Variants in CSMD3 observed in about 807,000 individuals in gnomAD.
CSMD3 encodes CUB and Sushi multiple domains 3.
A neutral mutation model predicts 435.2 loss-of-function variants in CSMD3; 177 were observed. The ratio of observed to expected loss-of-function variants is 0.41; its 90% confidence interval spans 0.36 to 0.46. CSMD3 has a LOEUF of 0.46. Among genes scored for constraint, CSMD3 ranks in the 20% least tolerant of loss-of-function variants. The probability of loss-of-function intolerance (pLI) is 0.34; values close to 1 mark genes in which losing one functional copy is unlikely to be tolerated. For missense variants in CSMD3, 4,265 were observed against 4,504.6 expected, an observed-to-expected ratio of 0.95 and a Z score of 1.52; for synonymous variants, 1,656 against 1,520.5, an observed-to-expected ratio of 1.09 and a Z score of -2.07.
chr8:112,406,471 A>G (rs1217447669), intron 35 of CSMD3, 53 bp downstream of exon 35: 12 of 1,278,732 alleles, frequency 9.4e-6, no homozygotes, highest in Middle Eastern at 1.9e-4. Context: ...AGATGTAACC[A>G]ATTTTTATAT....
chr8:112,658,007 G>GA (rs886440069), intron 17 of CSMD3, among the ~76,000 whole-genome samples: 1 of 152,014 alleles, frequency 6.6e-6, no homozygotes, highest in African/African-American at 2.4e-5. Context: ...TTGGATCAAA[G>GA]AAAAAATGAA....
At chr8:112,977,763 A>G (rs2084907840) in intron 6 of CSMD3, among the ~76,000 whole-genome samples, 1 of 152,116 alleles carries the variant, frequency 6.6e-6, no homozygotes, top group African/African-American at 2.4e-5. Context: ...CATGAATCAG[A>G]TAGCTTCTAT....
rs1472000747 is a variant in CSMD3 at position 112,265,511 on chromosome 8, A to G, written c.9588T>C (p.Ser3196=). Residue 3196 remains serine (S), a synonymous_variant, in exon 60 of 71, where the codon TCT becomes TCC. Coordinates refer to ENST00000297405, the MANE Select transcript of CSMD3 (RefSeq NM_198123.2). Reference sequence around the variant, plus strand: ...TCGTGTAGCCTGGCTGGCACATGTAAGAAACATTTTGTCCAACCACATAAT... The same window carrying G: ...TCGTGTAGCCTGGCTGGCACATGTAGGAAACATTTTGTCCAACCACATAAT... ...GDDYVVGQNV[S]YMCQPGYTME... 15 of 1,613,514 alleles carry G rather than the reference A, an allele frequency of 9.3e-6. No individual in the cohort carries two copies. The highest frequency in any genetic ancestry group is 2.7e-5 in the African/African-American group (2 of 74,896).
At chr8:112,489,313 T>C (rs1036088913) in intron 31 of CSMD3, among the ~76,000 whole-genome samples, 7 of 152,168 alleles carry the variant, frequency 4.6e-5, no homozygotes, top group African/African-American at 1.7e-4. Flanking sequence ...TAGTCCCAGA[T>C]ACCTGAGAGG....
chr8:112,874,632 A>C (rs892277952), intron 10 of CSMD3, among the ~76,000 whole-genome samples: 12 of 152,114 alleles, frequency 7.9e-5, no homozygotes, highest in African/African-American at 2.7e-4. Context: ...TTCCTGTTAC[A>C]TTGATCCCTT....
intron 61 of CSMD3, among the ~76,000 whole-genome samples, chr8:112,261,975 C>G (rs1223147817): frequency 6.6e-6 from 1 of 151,760 alleles, no homozygotes; most frequent in Non-Finnish European, 1.5e-5. Flanking sequence ...TTACATTGTA[C>G]AAGTCTGTGA....
intron 1 of CSMD3, among the ~76,000 whole-genome samples, chr8:113,407,462 T>A (rs961303324): frequency 1.1e-4 from 17 of 152,136 alleles, no homozygotes; most frequent in African/African-American, 4.1e-4. Context: ...TTGCACTGCA[T>A]AGACTCAATT....
chr8:112,389,489 T>A (rs1359564197), intron 36 of CSMD3, among the ~76,000 whole-genome samples: 1 of 152,218 alleles, frequency 6.6e-6, no homozygotes, highest in Non-Finnish European at 1.5e-5. Context: ...GCATCTATAA[T>A]CTTTGGATGG....
intron 36 of CSMD3, among the ~76,000 whole-genome samples, chr8:112,384,213 A>T (rs2131259418): frequency 6.6e-6 from 1 of 152,256 alleles, no homozygotes; most frequent in African/African-American, 2.4e-5. Flanking sequence ...TAACACGCAT[A>T]TTTTTAATAA....
intron 1 of CSMD3, among the ~76,000 whole-genome samples, chr8:113,360,306 G>T (rs188490959): frequency 6.6e-6 from 1 of 152,124 alleles, no homozygotes; most frequent in Non-Finnish European, 1.5e-5. Flanking sequence ...CTTTGAGCTT[G>T]TTCCCTAGCC....
At chr8:112,463,243 T>TC (rs1240817802) in intron 32 of CSMD3, among the ~76,000 whole-genome samples, 1 of 152,072 alleles carries the variant, frequency 6.6e-6, no homozygotes, top group Non-Finnish European at 1.5e-5. Flanking sequence ...ATACCTGTAA[T>TC]CCCAGCTACT....
chr8:113,407,606 G>A (rs1320629724), intron 1 of CSMD3, among the ~76,000 whole-genome samples: 1 of 151,720 alleles, frequency 6.6e-6, no homozygotes, highest in African/African-American at 2.4e-5. Flanking sequence ...GAGGTTAGGG[G>A]GGTTGCCCTG....
chr8:112,405,420 C>T (rs544927985), intron 35 of CSMD3, among the ~76,000 whole-genome samples: 24 of 150,188 alleles, frequency 1.6e-4, no homozygotes, highest in Middle Eastern at 3.4e-3. Flanking sequence ...ATATGTTCTT[C>T]GGGCAGAAAA....
chr8:113,002,206 AGT>A (rs1284975620), intron 6 of CSMD3, among the ~76,000 whole-genome samples: 1 of 152,084 alleles, frequency 6.6e-6, no homozygotes, highest in East Asian at 1.9e-4. Context: ...GCCCTTTGCA[AGT>A]TTATGAGACT....
At chr8:113,326,079 T>C (rs1489485718) in intron 1 of CSMD3, among the ~76,000 whole-genome samples, 1 of 152,212 alleles carries the variant, frequency 6.6e-6, no homozygotes, top group Non-Finnish European at 1.5e-5. Flanking sequence ...ATTTCAAATG[T>C]TTCATAACAT....
At chr8:112,258,078 AC>A (rs1815977901) in intron 61 of CSMD3, among the ~76,000 whole-genome samples, 1 of 152,228 alleles carries the variant, frequency 6.6e-6, no homozygotes, top group South Asian at 2.1e-4. Context: ...GGTGAGCCAT[AC>A]GCAGAAAACT....
At chr8:112,744,795 TACAA>T (rs1219931116) in intron 13 of CSMD3, among the ~76,000 whole-genome samples, 2 of 152,050 alleles carry the variant, frequency 1.3e-5, no homozygotes, top group Non-Finnish European at 2.9e-5. Context: ...CAAATAGCAT[TACAA>T]ACAAAGATAA....
chr8:112,737,435 C>T (rs2077210557), intron 13 of CSMD3, among the ~76,000 whole-genome samples: 1 of 151,836 alleles, frequency 6.6e-6, no homozygotes, highest in East Asian at 1.9e-4. Context: ...AGGTGTTTGA[C>T]ATTTTAAAGT....
intron 5 of CSMD3, among the ~76,000 whole-genome samples, chr8:113,026,257 C>T (rs1315400200): frequency 6.6e-6 from 1 of 152,196 alleles, no homozygotes; most frequent in Non-Finnish European, 1.5e-5. Flanking sequence ...CCAAGCTCAT[C>T]CCAGCAGGGG....
Sources: allele counts gnomAD v4.1 joint callset (sites outside exome capture counted in the v4.1 genomes callset), GRCh38; gene constraint gnomAD v4.1.1; transcripts MANE v1.5; gene names NCBI Gene and HGNC (gene_info 2026-07-23, HGNC 2026-07-21).